The following PTPN2 variants were observed in gnomAD, a reference collection of about 807,000 sequenced individuals.
The protein encoded by PTPN2 is protein tyrosine phosphatase non-receptor type 2, also known as tyrosine-protein phosphatase non-receptor type 2.
Under a neutral mutation model 57.3 loss-of-function variants are expected in PTPN2, and 19 were observed. That is an observed-to-expected ratio of 0.33 (90% confidence interval 0.23 to 0.49). PTPN2 has a LOEUF of 0.49. PTPN2 is among the 20% of genes least tolerant of loss of function. The pLI is 0.99. For missense variants in PTPN2, 358 were observed against 501.1 expected (o/e 0.71, Z 2.73); for synonymous variants, 153 against 164.9 (o/e 0.93, Z 0.55).
intron 1 of PTPN2, 60 bp downstream of exon 1, chr18:12,884,013 C>G (rs1158017025): frequency 2.1e-6 from 3 of 1,435,650 alleles, no homozygotes; most frequent in Non-Finnish European, 2.8e-6. Flanking sequence ...ACCCTGCGGA[C>G]AGGGCACGAG....
chr18:12,795,538 G>A (rs1202900896), intron 8 of PTPN2, among the ~76,000 whole-genome samples: 5 of 151,954 alleles, frequency 3.3e-5, no homozygotes, highest in African/African-American at 9.7e-5. Context: ...CAAGTGATCC[G>A]CCCACCTCAG....
At chr18:12,850,806 C>T (rs2043367445) in intron 2 of PTPN2, among the ~76,000 whole-genome samples, 1 of 151,932 alleles carries the variant, frequency 6.6e-6, no homozygotes, top group African/African-American at 2.4e-5. Context: ...GTGGCACAAT[C>T]TTGGCTCACC....
intron 1 of PTPN2, among the ~76,000 whole-genome samples, chr18:12,859,854 A>G (rs957457038): frequency 1.2e-4 from 18 of 152,232 alleles, no homozygotes; most frequent in African/African-American, 4.3e-4. Flanking sequence ...TTCTAGAGCC[A>G]TAAATGTTCA....
intron 1 of PTPN2, chr18:12,872,344 G>A (rs2044296355): frequency 6.6e-6 from 1 of 152,148 alleles, no homozygotes; most frequent in Admixed American, 6.5e-5. Context: ...AAATAATTCA[G>A]TATCAGATTT....
intron 3 of PTPN2, 107 bp downstream of exon 3, chr18:12,836,684 C>G: frequency 5.9e-6 from 4 of 680,612 alleles, no homozygotes; most frequent in Non-Finnish European, 9.9e-6. Flanking sequence ...AACTGAAATA[C>G]CATTTCATTT....
chr18:12,830,840 A>AG, intron 4 of PTPN2, 103 bp downstream of exon 4: 3 of 868,238 alleles, frequency 3.5e-6, no homozygotes, highest in South Asian at 1.8e-5. Context: ...TTTAGCAATT[A>AG]AAGGCCAAAA....
chr18:12,814,398 C>A, intron 6 of PTPN2, 43 bp from the exon 7 acceptor site: 1 of 1,512,036 alleles, frequency 6.6e-7, no homozygotes, highest in Admixed American at 2.3e-5. Flanking sequence ...GTTATTGGAA[C>A]CCAGGAAACA....
chr18:12,879,721 A>G (rs76292458), intron 1 of PTPN2, among the ~76,000 whole-genome samples: 367 of 152,356 alleles, frequency 2.4e-3, no homozygotes, highest in Non-Finnish European at 4.6e-3. Flanking sequence ...TCAAAATACT[A>G]AATTCATTTT....
In PTPN2 at chr18:12,884,064, G is replaced by C; in HGVS notation, c.69+9C>G. ...AGGTCGGCGACTGCCGCGTGGGTCC[G>C]CGACTCACCAAGTACAGCGGCTGCC... On this transcript the variant is annotated intron_variant, in intron 1 of 8. Coordinates refer to ENST00000309660, the MANE Select transcript of PTPN2 (RefSeq NM_002828.4). 6.4e-7 allele frequency: 1 copy of C among 1,569,374 alleles called. No homozygotes were observed. Among genetic ancestry groups the C allele is most frequent in the South Asian group, 1.2e-5 (1 of 85,600 alleles).
intron 2 of PTPN2, among the ~76,000 whole-genome samples, chr18:12,839,738 G>C (rs562700627): frequency 6.6e-6 from 1 of 152,120 alleles, no homozygotes; most frequent in South Asian, 2.1e-4. Context: ...AGTAAATGAA[G>C]AAATGCAATA....
Position 12,793,218 on chromosome 18 carries a change from A to G in PTPN2, c.*1060T>C. On this transcript the variant is annotated 3_prime_UTR_variant, in exon 9 of 9. Transcript: ENST00000309660. The stretch of plus-strand genomic sequence containing the variant: ...TAAATTCATTAAACAGTTTGCTTTA[A>G]AAAATATTCATTAAGTTAAAATGAC... 1 of 976,740 alleles carries G rather than the reference A, an allele frequency of 1.0e-6. No homozygotes were observed. Among genetic ancestry groups the G allele is most frequent in the Non-Finnish European group, 1.2e-6 (1 of 824,392 alleles). 60.5% of individuals were successfully genotyped at this position (976,740 alleles called of 1,614,324 possible). A position where few individuals can be genotyped will look rare whatever the true frequency, so the allele number is the denominator to read the frequency against.
At chr18:12,852,773 G>T (rs2043442401) in intron 2 of PTPN2, among the ~76,000 whole-genome samples, 1 of 152,176 alleles carries the variant, frequency 6.6e-6, no homozygotes, top group African/African-American at 2.4e-5. Flanking sequence ...CTGAGGAGTG[G>T]TGCCATAGTG....
chr18:12,856,296 C>A (rs2043587408), intron 2 of PTPN2, among the ~76,000 whole-genome samples: 1 of 152,196 alleles, frequency 6.6e-6, no homozygotes, highest in Non-Finnish European at 1.5e-5. Flanking sequence ...CATTTGCAGG[C>A]TGAAGCATAT....
At chr18:12,880,410 C>T (rs2044630747) in intron 1 of PTPN2, 1 of 152,262 alleles carries the variant, frequency 6.6e-6, no homozygotes, top group African/African-American at 2.4e-5. Flanking sequence ...CACAATCTTG[C>T]TTCATTTTAG....
chr18:12,817,764 T>A (rs1239384830), intron 5 of PTPN2, among the ~76,000 whole-genome samples: 1 of 152,192 alleles, frequency 6.6e-6, no homozygotes, highest in Non-Finnish European at 1.5e-5. Context: ...AGCCTTTGGG[T>A]TCTCAGCTAC....
chr18:12,829,973 T>C (rs1347869854), intron 4 of PTPN2, among the ~76,000 whole-genome samples: 1 of 152,228 alleles, frequency 6.6e-6, no homozygotes, highest in Admixed American at 6.5e-5. Flanking sequence ...ACCATAAACA[T>C]GATTTCTAAA....
chr18:12,883,075 G>C (rs994498687), intron 1 of PTPN2, among the ~76,000 whole-genome samples: 1 of 152,216 alleles, frequency 6.6e-6, no homozygotes, highest in African/African-American at 2.4e-5. Flanking sequence ...TATGTGAGCT[G>C]AACAGGCACG....
intron 4 of PTPN2, among the ~76,000 whole-genome samples, chr18:12,827,998 T>C (rs2042538550): frequency 6.6e-6 from 1 of 151,760 alleles, no homozygotes; most frequent in African/African-American, 2.4e-5. Flanking sequence ...GTAAAACTAA[T>C]AATATCTGAA....
intron 7 of PTPN2, among the ~76,000 whole-genome samples, chr18:12,807,582 A>ATATATATATATATATATATATAT (rs764663687): frequency 3.3e-5 from 2 of 61,494 alleles, no homozygotes; most frequent in African/African-American, 8.7e-5. Flanking sequence ...AAAAAAAAAA[A>ATATATATATATATATATATATAT]AAAAATATAT....
Sources: gnomAD v4.1 joint callset for allele counts (sites outside exome capture counted in the v4.1 genomes callset) on GRCh38, gnomAD v4.1.1 for gene constraint, MANE v1.5 for transcripts, NCBI Gene and HGNC (gene_info 2026-07-23, HGNC 2026-07-21) for gene names.